The following CTNNA2 variants were observed in gnomAD, a reference collection of about 807,000 sequenced individuals.
CTNNA2 encodes the protein catenin alpha-2.
A neutral mutation model predicts 101.0 loss-of-function variants in CTNNA2; 42 were observed. The observed-to-expected ratio is 0.42, with a 90% CI of 0.32 to 0.54. CTNNA2 has a LOEUF of 0.54. Ranked by LOEUF, CTNNA2 falls within the 20% of genes least tolerant of loss-of-function variation. The pLI is 0.14. For missense variants in CTNNA2, 871 were observed against 1,223.1 expected (o/e 0.71, Z 4.29); for synonymous variants, 450 against 456.4 (o/e 0.99, Z 0.18).
At chr2:80,336,847 A>G (rs1671800723) in intron 7 of CTNNA2, among the ~76,000 whole-genome samples, 1 of 152,212 alleles carries the variant, frequency 6.6e-6, no homozygotes, top group Non-Finnish European at 1.5e-5. Context: ...AATTCATGCA[A>G]GATGAAGTCT....
intron 11 of CTNNA2, among the ~76,000 whole-genome samples, chr2:80,552,678 C>T (rs974227991): frequency 6.6e-6 from 1 of 152,198 alleles, no homozygotes; most frequent in African/African-American, 2.4e-5. Context: ...CATACCTACA[C>T]TACATGGTAT....
intron 3 of CTNNA2, among the ~76,000 whole-genome samples, chr2:79,358,550 G>A (rs1314314634): frequency 6.6e-6 from 1 of 152,116 alleles, no homozygotes; most frequent in African/African-American, 2.4e-5. Context: ...AAAGAAACAA[G>A]CATTTAGTTG....
intron 2 of CTNNA2, among the ~76,000 whole-genome samples, chr2:79,657,489 T>C (rs1037374405): frequency 4.6e-5 from 7 of 151,956 alleles, no homozygotes; most frequent in African/African-American, 1.4e-4. Flanking sequence ...TAGTTGAATA[T>C]TACCAGACGC....
At chr2:80,635,971 CTTTTTTTT>C (rs60757492) in intron 18 of CTNNA2, among the ~76,000 whole-genome samples, 5 of 115,654 alleles carry the variant, frequency 4.3e-5, no homozygotes, top group African/African-American at 9.8e-5. Context: ...ATGCCCATTG[CTTTTTTTT>C]TTTTTTTTTT....
At chr2:79,877,175 G>A (rs187531252) in intron 6 of CTNNA2, among the ~76,000 whole-genome samples, 111 of 152,004 alleles carry the variant, frequency 7.3e-4, no homozygotes, top group Admixed American at 1.3e-3. Flanking sequence ...ATTACATAAA[G>A]CGTTATCTAA....
intron 4 of CTNNA2, among the ~76,000 whole-genome samples, chr2:79,454,574 A>G (rs1183357338): frequency 1.3e-5 from 2 of 152,302 alleles, no homozygotes; most frequent in Admixed American, 6.5e-5. Context: ...CTCAAAACAT[A>G]AAGTCTCAAA....
intron 2 of CTNNA2, among the ~76,000 whole-genome samples, chr2:79,230,301 T>A (rs1470968638): frequency 6.6e-6 from 1 of 152,162 alleles, no homozygotes; most frequent in Non-Finnish European, 1.5e-5. Flanking sequence ...GTGTGCAGCC[T>A]AGGGACTTAG....
At chr2:80,124,936 G>C (rs1055702626) in intron 7 of CTNNA2, among the ~76,000 whole-genome samples, 2 of 152,204 alleles carry the variant, frequency 1.3e-5, no homozygotes, top group African/African-American at 4.8e-5. Context: ...GGAGCTGAGA[G>C]TGGAGCAGGG....
intron 2 of CTNNA2, among the ~76,000 whole-genome samples, chr2:79,224,715 A>G (rs1228129882): frequency 6.6e-6 from 1 of 151,806 alleles, no homozygotes; most frequent in African/African-American, 2.4e-5. Flanking sequence ...TGTCAACCCA[A>G]CGAGTCTCCT....
chr2:79,286,085 T>A (rs1293606542), intron 2 of CTNNA2, among the ~76,000 whole-genome samples: 1 of 151,760 alleles, frequency 6.6e-6, no homozygotes, highest in Non-Finnish European at 1.5e-5. Flanking sequence ...ACCCCTGCCT[T>A]TTTTTGTTTT....
At chr2:79,762,096 C>A (rs1285575320) in intron 3 of CTNNA2, among the ~76,000 whole-genome samples, 2 of 152,114 alleles carry the variant, frequency 1.3e-5, no homozygotes, top group African/African-American at 4.8e-5. Flanking sequence ...CCTATTTAAT[C>A]TTTGGTCTTA....
rs72921161 is a variant in CTNNA2, at chr2:79,523,156, A to G, written c.-6+9949A>G. 0.22 allele frequency: 80,224 copies of G among 359,794 alleles called. 9,840 individuals are homozygous for G. The highest frequency in any genetic ancestry group is 0.39 in the Middle Eastern group (1,028 of 2,646). 22.3% of individuals were successfully genotyped at this position (359,794 alleles called of 1,614,324 possible). A position where few individuals can be genotyped will look rare whatever the true frequency, so the allele number is the denominator to read the frequency against. On this transcript the variant is annotated intron_variant, in intron 1 of 18. Transcript: ENST00000402739. ...TCTTCCTCTACATTAGTTTTTGTGT[A>G]ACATTGCATTTTTTTGGAATTTAAG...
intron 7 of CTNNA2, among the ~76,000 whole-genome samples, chr2:79,994,924 G>A (rs563721940): frequency 2.7e-4 from 41 of 152,208 alleles, no homozygotes; most frequent in African/African-American, 9.6e-4. Flanking sequence ...GTAAATTCAA[G>A]CCACTGACTG....
chr2:79,648,794 G>T lies in CTNNA2; in HGVS notation c.-5-2758G>T, dbSNP rs562631457. On this transcript the variant is annotated intron_variant, in intron 1 of 18. Transcript: ENST00000402739. ...GTAAACTAAATGGTGAAAAGATTAT[G>T]GGGTAGAGACAGAATTCCTGGTTTT... 8.5e-5 allele frequency among the ~76,000 whole-genome samples: 13 copies of T among 152,234 alleles called. No individual in the cohort carries two copies. The East Asian group carries it at 2.5e-3, about 29-fold the overall frequency.
At chr2:79,380,685 C>T (rs1022358991) in intron 4 of CTNNA2, among the ~76,000 whole-genome samples, 5 of 152,128 alleles carry the variant, frequency 3.3e-5, no homozygotes, top group African/African-American at 1.2e-4. Context: ...TTAGATGTGG[C>T]TTCAGAGGTG....
At chr2:79,667,779 T>C (rs1022030001) in intron 2 of CTNNA2, among the ~76,000 whole-genome samples, 1 of 152,238 alleles carries the variant, frequency 6.6e-6, no homozygotes, top group Non-Finnish European at 1.5e-5. Flanking sequence ...TTACTAGATA[T>C]TGAGTTATTT....
intron 3 of CTNNA2, among the ~76,000 whole-genome samples, chr2:79,369,952 G>A (rs1358018147): frequency 1.3e-5 from 2 of 152,160 alleles, no homozygotes; most frequent in Non-Finnish European, 2.9e-5. Flanking sequence ...CTACAAGGTT[G>A]TAAGATACTT....
intron 7 of CTNNA2, among the ~76,000 whole-genome samples, chr2:80,371,566 T>A (rs1229440520): frequency 6.6e-6 from 1 of 151,908 alleles, no homozygotes; most frequent in African/African-American, 2.4e-5. Flanking sequence ...ATTTTTTTTT[T>A]TTTTTTACAG....
intron 1 of CTNNA2, among the ~76,000 whole-genome samples, chr2:79,527,337 A>T (rs1021830784): frequency 2.6e-5 from 4 of 152,000 alleles, no homozygotes; most frequent in African/African-American, 7.2e-5. Flanking sequence ...ACGAGTTCTA[A>T]TAAAAGAATA....
Sources: gnomAD v4.1 joint callset for allele counts (sites outside exome capture counted in the v4.1 genomes callset) on GRCh38, gnomAD v4.1.1 for gene constraint, MANE v1.5 for transcripts, NCBI Gene and HGNC (gene_info 2026-07-23, HGNC 2026-07-21) for gene names.